The following NXPE4 variants were observed in gnomAD, a reference collection of about 807,000 sequenced individuals.
NXPE4 encodes the protein neurexophilin and PC-esterase domain family member 4, also known as NXPE family member 4.
NXPE4 carries 42 observed loss-of-function variants against 33.3 expected under a neutral mutation model. That is an observed-to-expected ratio of 1.26 (90% confidence interval 0.98 to 1.63). The LOEUF is 1.63. NXPE4 is among the 40% of genes most tolerant of loss of function. The pLI, the probability that NXPE4 is intolerant of heterozygous loss-of-function variation, is 0.00. For missense variants in NXPE4, 709 were observed against 647.6 expected (o/e 1.09, Z -1.03); for synonymous variants, 253 against 234.9 (o/e 1.08, Z -0.71).
the NXPE4 span, among the ~76,000 whole-genome samples, chr11:114,657,699 T>A: frequency 3.9e-5 from 6 of 152,258 alleles, no homozygotes; most frequent in South Asian, 4.2e-4. Flanking sequence ...AACACTGTTT[T>A]GAGAAATAGT....
the NXPE4 span, among the ~76,000 whole-genome samples, chr11:114,633,029 A>T: frequency 2.7e-5 from 3 of 109,130 alleles, no homozygotes; most frequent in Non-Finnish European, 3.3e-5. Context: ...ATATAATGTA[A>T]TATTTTATTA....
At chr11:114,594,956 A>G (rs1027104425) in intron 1 of NXPE4, among the ~76,000 whole-genome samples, 187 bp from the exon 2 acceptor site, 2 of 152,108 alleles carry the variant, frequency 1.3e-5, no homozygotes, top group Non-Finnish European at 2.9e-5. Context: ...TCTTTTAGCT[A>G]TCTGCTTGTA....
the NXPE4 span, among the ~76,000 whole-genome samples, chr11:114,619,061 T>C: frequency 8.6e-5 from 13 of 151,276 alleles, no homozygotes; most frequent in Admixed American, 6.6e-4. Flanking sequence ...CACTGTTACC[T>C]GGTGGATAAT....
At chr11:114,571,947 A>G (rs887686953) in intron 5 of NXPE4, among the ~76,000 whole-genome samples, 2 of 152,204 alleles carry the variant, frequency 1.3e-5, no homozygotes, top group Admixed American at 1.3e-4. Context: ...CAACGAACAC[A>G]AAACCAGCAC....
chr11:114,595,819 C>T (rs1949564986), upstream of NXPE4: 1 of 152,198 alleles, frequency 6.6e-6, no homozygotes, highest in Non-Finnish European at 1.5e-5. Context: ...TAAGGAGGGG[C>T]CTGGATCACA....
the NXPE4 span, among the ~76,000 whole-genome samples, chr11:114,675,376 G>A: frequency 6.6e-6 from 1 of 151,676 alleles, no homozygotes; most frequent in African/African-American, 2.4e-5. Context: ...GTTTCTGTTT[G>A]CCAGTGACAG....
At chr11:114,676,388 A>G in the NXPE4 span, among the ~76,000 whole-genome samples, 775 of 149,440 alleles carry the variant, frequency 5.2e-3, 14 homozygotes, top group African/African-American at 0.018. Flanking sequence ...AATTAAATAT[A>G]AAAGAACTCA....
chr11:114,583,047 A>T (rs760091707), intron 2 of NXPE4, 26 bp from the exon 3 acceptor site: 8 of 1,581,980 alleles, frequency 5.1e-6, no homozygotes, highest in Non-Finnish European at 6.9e-6. Flanking sequence ...ATGTGACATG[A>T]GATGGATAAA....
At chr11:114,601,498 A>G in the NXPE4 span, among the ~76,000 whole-genome samples, 1 of 31,030 alleles carries the variant, frequency 3.2e-5, no homozygotes, top group Non-Finnish European at 7.2e-5. Context: ...TTTATTATAT[A>G]GTATATAAAT....
the NXPE4 span, among the ~76,000 whole-genome samples, chr11:114,602,678 ATGTAATAATTATC>A: frequency 1.4e-5 from 2 of 141,936 alleles, no homozygotes; most frequent in Non-Finnish European, 3.0e-5. Context: ...ACAGAATCAT[ATGTAATAATTATC>A]TCATATATAA....
At chr11:114,621,284 C>T in the NXPE4 span, among the ~76,000 whole-genome samples, 89 of 151,974 alleles carry the variant, frequency 5.9e-4, no homozygotes, top group Middle Eastern at 3.2e-3. Flanking sequence ...CACTGTTATC[C>T]GGTGGATAAC....
the NXPE4 span, among the ~76,000 whole-genome samples, chr11:114,629,787 A>C: frequency 1.3e-5 from 2 of 151,052 alleles, no homozygotes; most frequent in Admixed American, 6.6e-5. Context: ...GTCTCAGCCC[A>C]AAATCTCCTC....
chr11:114,577,775 A>C (rs994462941), intron 5 of NXPE4, among the ~76,000 whole-genome samples: 4 of 152,140 alleles, frequency 2.6e-5, no homozygotes, highest in Non-Finnish European at 5.9e-5. Context: ...TCTTTACATA[A>C]AAAACAAGTA....
At position 114,588,072 on chromosome 11, in the gene NXPE4, C is replaced by T. The variant is rs377463506; in HGVS notation, c.97-5051G>A. 2.0e-4 allele frequency among the ~76,000 whole-genome samples: 30 copies of T among 152,278 alleles called. No individual in the cohort carries two copies. In the East Asian group the frequency reaches 5.4e-3, roughly 28 times the overall value. On this transcript the variant is annotated intron_variant, in intron 2 of 5. Coordinates refer to ENST00000375478, the MANE Select transcript of NXPE4 (RefSeq NM_001077639.2). ...CATTGCACAATCAGCTCAGCTCTTT[C>T]AGCAGTCATATCAGGAGGGCCCAAA...
the NXPE4 span, among the ~76,000 whole-genome samples, chr11:114,634,824 T>G: frequency 1.2e-3 from 190 of 152,176 alleles, 1 homozygote; most frequent in African/African-American, 4.3e-3. Flanking sequence ...TTGATGTATA[T>G]CTCTGTTTTG....
chr11:114,593,489 T>C (rs1949509776), intron 2 of NXPE4, among the ~76,000 whole-genome samples: 1 of 152,142 alleles, frequency 6.6e-6, no homozygotes, highest in South Asian at 2.1e-4. Context: ...ATCTCACTCC[T>C]GTTAAAATGG....
At chr11:114,634,567 G>A in the NXPE4 span, among the ~76,000 whole-genome samples, 2 of 151,906 alleles carry the variant, frequency 1.3e-5, no homozygotes, top group South Asian at 2.1e-4. Context: ...GTATTGCCTA[G>A]GTTTTCTTCT....
upstream of NXPE4, among the ~76,000 whole-genome samples, chr11:114,600,212 G>C (rs1368819162): frequency 2.0e-5 from 3 of 152,188 alleles, no homozygotes; most frequent in Non-Finnish European, 4.4e-5. Flanking sequence ...GAAAATCAAT[G>C]AACATCTGCT....
At chr11:114,576,966 A>G (rs1052194387) in intron 5 of NXPE4, among the ~76,000 whole-genome samples, 1 of 140,704 alleles carries the variant, frequency 7.1e-6, no homozygotes, top group South Asian at 2.2e-4. Flanking sequence ...GAGTGGATAA[A>G]GAAGATGTTT....
Sources: gnomAD v4.1 joint callset for allele counts (sites outside exome capture counted in the v4.1 genomes callset) on GRCh38, gnomAD v4.1.1 for gene constraint, MANE v1.5 for transcripts, NCBI Gene and HGNC (gene_info 2026-07-23, HGNC 2026-07-21) for gene names.